The following CTNNA1 variants were observed in gnomAD, a reference collection of about 807,000 sequenced individuals.
CTNNA1 encodes the protein catenin alpha-1.
In CTNNA1, 37 loss-of-function variants were observed where a neutral mutation model predicts 98.4. That is an observed-to-expected ratio of 0.38 (90% CI 0.29 to 0.49). CTNNA1 has a LOEUF of 0.49. Among genes scored for constraint, CTNNA1 ranks in the 20% least tolerant of loss-of-function variants. CTNNA1 has a pLI of 0.95. For missense variants in CTNNA1, 761 were observed against 1,147.2 expected, an observed-to-expected ratio of 0.66 and a Z score of 4.86; for synonymous variants, 404 against 413.2, an observed-to-expected ratio of 0.98 and a Z score of 0.27.
chr5:138,805,161 A>G (rs1318650733), intron 3 of CTNNA1, among the ~76,000 whole-genome samples: 4 of 152,220 alleles, frequency 2.6e-5, no homozygotes, highest in Non-Finnish European at 5.9e-5. Flanking sequence ...GTACTAACCC[A>G]TTCATGAGAA....
intron 3 of CTNNA1, among the ~76,000 whole-genome samples, chr5:138,805,564 A>T (rs187761082): frequency 1.3e-5 from 2 of 151,978 alleles, no homozygotes; most frequent in East Asian, 3.9e-4. Context: ...TCAGACAGGC[A>T]CCTGTTTAAA....
At chr5:138,801,265 G>A (rs825745) in intron 3 of CTNNA1, among the ~76,000 whole-genome samples, 5,731 of 152,200 alleles carry the variant, frequency 0.038, 383 homozygotes, top group African/African-American at 0.13. Flanking sequence ...CACCATGTAC[G>A]GCCTGTGTTT....
At chr5:138,837,508 C>T (rs1761896549) in intron 7 of CTNNA1, among the ~76,000 whole-genome samples, 1 of 110,150 alleles carries the variant, frequency 9.1e-6, no homozygotes, top group African/African-American at 3.4e-5. Context: ...TCCCCCTCCC[C>T]CTCCTCCCTC....
chr5:138,781,718 C>T (rs1755135995), intron 1 of CTNNA1, among the ~76,000 whole-genome samples: 1 of 152,128 alleles, frequency 6.6e-6, no homozygotes, highest in African/African-American at 2.4e-5. Flanking sequence ...TCTTGTAGTA[C>T]CCCTCCTATT....
chr5:138,917,697 T>A, intron 10 of CTNNA1, 45 bp from the exon 11 acceptor site: 1 of 1,599,714 alleles, frequency 6.3e-7, no homozygotes. Context: ...GACAAAGCCA[T>A]GACTCTGAAA....
intron 3 of CTNNA1, among the ~76,000 whole-genome samples, chr5:138,802,472 C>T (rs1757679118): frequency 6.6e-6 from 1 of 152,080 alleles, no homozygotes; most frequent in Non-Finnish European, 1.5e-5. Context: ...ACATGCCTGG[C>T]TGACAAAATT....
chr5:138,790,457 A>G (rs1756228801), intron 3 of CTNNA1, among the ~76,000 whole-genome samples: 1 of 152,200 alleles, frequency 6.6e-6, no homozygotes, highest in Non-Finnish European at 1.5e-5. Flanking sequence ...ACACGTATTA[A>G]TGTTTATTAA....
In CTNNA1 at chr5:138,865,645, C is replaced by G. The variant is rs1175162285; in HGVS notation, c.1063-20567C>G. On this transcript the variant is annotated intron_variant, in intron 7 of 17. Transcript: ENST00000302763. ...GATTTCATTGCTGTACTAGGCCTTTCTAACCCCTTTTTGTAATTTATCAAA... is the reference window on the plus strand; with the variant it reads ...GATTTCATTGCTGTACTAGGCCTTTGTAACCCCTTTTTGTAATTTATCAAA... 2.0e-5 allele frequency among the ~76,000 whole-genome samples: 3 copies of G among 152,284 alleles called. No homozygotes were observed. The East Asian group carries it at 5.8e-4, about 29-fold the overall frequency.
intron 7 of CTNNA1, among the ~76,000 whole-genome samples, chr5:138,847,714 C>G (rs1762854109): frequency 6.6e-6 from 1 of 152,090 alleles, no homozygotes; most frequent in Non-Finnish European, 1.5e-5. Context: ...GCATTTCTCT[C>G]TAAATTGATG....
At chr5:138,866,969 G>C (rs932825100) in intron 7 of CTNNA1, among the ~76,000 whole-genome samples, 1 of 152,142 alleles carries the variant, frequency 6.6e-6, no homozygotes, top group Non-Finnish European at 1.5e-5. Flanking sequence ...AGAATCTATT[G>C]TATATTTGAG....
intron 1 of CTNNA1, among the ~76,000 whole-genome samples, chr5:138,780,513 T>A (rs1036004543): frequency 9.3e-5 from 14 of 150,250 alleles, no homozygotes; most frequent in African/African-American, 2.7e-4. Context: ...TTTTTTAATT[T>A]TTATTATTAT....
chr5:138,797,634 A>G (rs1276939914), intron 3 of CTNNA1, among the ~76,000 whole-genome samples: 1 of 152,114 alleles, frequency 6.6e-6, no homozygotes, highest in African/African-American at 2.4e-5. Flanking sequence ...AGGAGATATA[A>G]CTTTGCCCTA....
Position 138,874,153 on chromosome 5 carries a change from T to C in CTNNA1, c.1063-12059T>C. ...GCTGATTAAAAGACAGGTCCAAATT[T>C]TGCAGGTTAATCAGTTGGGTAAAAG... On this transcript the variant is annotated intron_variant, in intron 7 of 17. Transcript: ENST00000302763. The surrounding 1 kb of genome is among the most constrained non-coding windows in gnomAD (Gnocchi z 4.1). 1 of 1,613,782 alleles carries C rather than the reference T, an allele frequency of 6.2e-7. No individual in the cohort carries two copies. Among genetic ancestry groups the C allele is most frequent in the Non-Finnish European group, 8.5e-7 (1 of 1,179,740 alleles).
chr5:138,876,799 G>T (rs1751669419), intron 7 of CTNNA1, among the ~76,000 whole-genome samples: 1 of 152,172 alleles, frequency 6.6e-6, no homozygotes, highest in Non-Finnish European at 1.5e-5. Flanking sequence ...AGACTCCAAG[G>T]TCCCTTCCTT....
intron 3 of CTNNA1, among the ~76,000 whole-genome samples, chr5:138,794,181 C>T (rs1455567716): frequency 1.3e-5 from 2 of 152,066 alleles, no homozygotes; most frequent in African/African-American, 2.4e-5. Context: ...CCATGCCTGG[C>T]TAATTTTGTA....
intron 1 of CTNNA1, among the ~76,000 whole-genome samples, chr5:138,765,947 CAAAAAAAAAA>C (rs1026779147): frequency 2.1e-5 from 1 of 48,486 alleles, no homozygotes; most frequent in African/African-American, 6.7e-5. Flanking sequence ...GACTCTGTCT[CAAAAAAAAAA>C]AAAAAAAAAA....
In CTNNA1 at chr5:138,780,452, C is replaced by T. The variant is rs372291236; in HGVS notation, c.-2-1471C>T. On this transcript the variant is annotated intron_variant, in intron 1 of 17. Coordinates refer to ENST00000302763, the MANE Select transcript of CTNNA1 (RefSeq NM_001903.5). ...TCATGATCTGCCCGCCTCAGCCTCCCAAAGTGCTGGGATTACAGGCGTGAG... is the reference window on the plus strand; with the variant it reads ...TCATGATCTGCCCGCCTCAGCCTCCTAAAGTGCTGGGATTACAGGCGTGAG... Among the ~76,000 whole-genome samples, 53 of 152,094 alleles carry T rather than the reference C, an allele frequency of 3.5e-4. 1 individual carries two copies. In the South Asian group the frequency reaches 0.01, roughly 29 times the overall value.
At chr5:138,769,179 A>C (rs1216753486) in intron 1 of CTNNA1, among the ~76,000 whole-genome samples, 1 of 151,986 alleles carries the variant, frequency 6.6e-6, no homozygotes, top group Non-Finnish European at 1.5e-5. Context: ...GGTGTGAGCC[A>C]CTGAGCCTGG....
chr5:138,788,100 G>A (rs1375942617), intron 3 of CTNNA1, among the ~76,000 whole-genome samples: 2 of 151,974 alleles, frequency 1.3e-5, no homozygotes, highest in African/African-American at 4.8e-5. Flanking sequence ...TTTACCTCCC[G>A]TATCCCCCCA....
Sources: gnomAD v4.1 joint callset for allele counts (sites outside exome capture counted in the v4.1 genomes callset) on GRCh38, gnomAD v4.1.1 for gene constraint, Gnocchi (gnomAD v3.1) non-coding constraint, MANE v1.5 for transcripts, NCBI Gene and HGNC (gene_info 2026-07-23, HGNC 2026-07-21) for gene names.